ALG8: variants seen among roughly 807,000 people sequenced by gnomAD.
The protein encoded by ALG8 is dolichyl pyrophosphate Glc1Man9GlcNAc2 alpha-1,3-glucosyltransferase.
ALG8 carries 48 observed loss-of-function variants against 70.2 expected under a neutral mutation model. The observed-to-expected ratio is 0.68, with a 90% CI of 0.54 to 0.87. The LOEUF is 0.87. Ranked by LOEUF, ALG8 falls within the 40% of genes least tolerant of loss-of-function variation. The pLI is 0.00. For synonymous variants in ALG8, 234 were observed against 229.0 expected (o/e 1.02, Z -0.20); for missense variants, 572 against 608.7 (o/e 0.94, Z 0.64).
chr11:78,116,695 G>C (rs1860588549), intron 5 of ALG8, among the ~76,000 whole-genome samples: 1 of 152,116 alleles, frequency 6.6e-6, no homozygotes, highest in African/African-American at 2.4e-5. Context: ...TCTCCAGCCT[G>C]GGTGACACAG....
rs188063194 is a variant in ALG8, at chr11:78,139,051, C to T, written c.95+443G>A. ...GAATAGCGCACAGCCACTTAGTAAC[C>T]CTCTATTTCCTTTATCACAATCTGA... On this transcript the variant is annotated intron_variant, in intron 1 of 12. Coordinates refer to ENST00000299626, the MANE Select transcript of ALG8 (RefSeq NM_024079.5). The T allele has an allele frequency of 7.7e-3, 2,645 of 342,098 alleles. 24 individuals carry two copies. The highest frequency in any genetic ancestry group is 0.011 in the Middle Eastern group (11 of 962). The allele number at this position is 342,098 out of a possible 1,614,324, so 21.2% of individuals were successfully genotyped here.
At chr11:78,123,231 G>A (rs189386139) in intron 3 of ALG8, among the ~76,000 whole-genome samples, 5 of 146,216 alleles carry the variant, frequency 3.4e-5, no homozygotes, top group South Asian at 4.3e-4. Context: ...GCTTGAACCC[G>A]AGAGGCAGTT....
intron 3 of ALG8, among the ~76,000 whole-genome samples, chr11:78,122,309 T>C (rs1015669144): frequency 6.6e-6 from 1 of 151,964 alleles, no homozygotes; most frequent in African/African-American, 2.4e-5. Context: ...CTGTATATCA[T>C]GCTTGGTTCT....
intron 5 of ALG8, among the ~76,000 whole-genome samples, chr11:78,116,325 G>A (rs113771379): frequency 0.031 from 4,743 of 152,078 alleles, 256 homozygotes; most frequent in African/African-American, 0.11. Flanking sequence ...AGCTGAGATC[G>A]CGCCACTGCA....
chr11:78,138,566 G>A (rs1861650887), intron 1 of ALG8: 3 of 373,494 alleles, frequency 8.0e-6, no homozygotes, highest in South Asian at 6.1e-5. Context: ...AGATCACCAA[G>A]AGCCTGAATC....
rs746712586 is a variant in ALG8 at position 78,106,493 on chromosome 11, G to C, written c.1178+314C>G. 2.6e-5 allele frequency among the ~76,000 whole-genome samples: 4 copies of C among 152,280 alleles called. 1 individual carries two copies. Among genetic ancestry groups the C allele is most frequent in the South Asian group, 4.1e-4 (2 of 4,826 alleles). On this transcript the variant is annotated intron_variant, in intron 10 of 12. Transcript: ENST00000299626. ...ATTACAGGCGTGAGCTACCGCGCCC[G>C]GCCAGCCCAGGTTTTTTCTATAACA...
chr11:78,107,540 T>C (rs959434476), intron 9 of ALG8, among the ~76,000 whole-genome samples: 8 of 149,064 alleles, frequency 5.4e-5, no homozygotes, highest in African/African-American at 1.5e-4. Context: ...ATTTAACTCA[T>C]TAAAATTAAT....
Position 78,119,216 on chromosome 11 carries a change from C to A in ALG8, c.512G>T (p.Gly171Val). 6.2e-7 allele frequency: 1 copy of A among 1,611,950 alleles called. No homozygotes were observed. Among genetic ancestry groups the A allele is most frequent in the Non-Finnish European group, 8.5e-7 (1 of 1,178,378 alleles). The change falls in exon 5 of 13, where the codon GGA becomes GTA. Residue 171 changes from glycine to valine, a missense_variant. Coordinates refer to ENST00000299626, the MANE Select transcript of ALG8 (RefSeq NM_024079.5). ...IHFQYNGFLF[G>V]LMLLSIARLF... ...TCGTGCAATGGAGAGTAGCATTAAT[C>A]CAAATAAAAAGCCATTGTACTGAAA...
chr11:78,104,658 G>A lies in ALG8; in HGVS notation c.1179-205C>T, dbSNP rs1302162093. On this transcript the variant is annotated intron_variant, in intron 10 of 12. Transcript: ENST00000299626. Reference sequence around the variant, plus strand: ...TAGCATGTATCAAACTGAATCAGGGGTATCGTAAAAGAATCTTGCTTCTGG... The same window carrying A: ...TAGCATGTATCAAACTGAATCAGGGATATCGTAAAAGAATCTTGCTTCTGG... 5.9e-6 allele frequency: 3 copies of A among 508,882 alleles called. No individual in the cohort carries two copies. The East Asian group carries it at 1.1e-4, about 18-fold the overall frequency. The allele number at this position is 508,882 out of a possible 1,614,324, so 31.5% of individuals were successfully genotyped here. A position where few individuals can be genotyped will look rare whatever the true frequency, so the allele number is the denominator to read the frequency against.
At chr11:78,114,118 G>C in intron 6 of ALG8, 129 bp from the exon 7 acceptor site, 1 of 1,380,998 alleles carries the variant, frequency 7.2e-7, no homozygotes, top group Non-Finnish European at 1.0e-6. Context: ...GGCAAGAGCA[G>C]AGAAAAGCGA....
At chr11:78,118,459 T>C (rs1252163266) in intron 5 of ALG8, among the ~76,000 whole-genome samples, 1 of 148,492 alleles carries the variant, frequency 6.7e-6, no homozygotes, top group Non-Finnish European at 1.5e-5. Context: ...CTAATAAAAA[T>C]ACAAAAATTA....
chr11:78,114,934 A>C (rs649228), intron 5 of ALG8: 36,583 of 175,720 alleles, frequency 0.21, 4,758 homozygotes, highest in African/African-American at 0.38. Flanking sequence ...CATGATGACG[A>C]CACTGCACTC....
chr11:78,110,755 T>C (rs1860249877), intron 8 of ALG8, among the ~76,000 whole-genome samples: 1 of 152,198 alleles, frequency 6.6e-6, no homozygotes, highest in Non-Finnish European at 1.5e-5. Context: ...TGAAAATGAA[T>C]ACAATGTGGG....
In ALG8 at chr11:78,113,999, A is replaced by G; in HGVS notation, c.674-10T>C. 2 of 1,591,678 alleles carry G rather than the reference A, an allele frequency of 1.3e-6. No homozygotes were observed. The highest frequency in any genetic ancestry group is 1.7e-6 in the Non-Finnish European group (2 of 1,167,060). ...CATCGAATAGACCCATCTACAGAAA[A>G]GGAACATTATCAGTAACCAGGAAGA... On this transcript the variant is annotated splice_polypyrimidine_tract_variant and intron_variant, in intron 6 of 12. Transcript: ENST00000299626.
chr11:78,130,695 G>A (rs547075000), intron 1 of ALG8, among the ~76,000 whole-genome samples: 73 of 152,030 alleles, frequency 4.8e-4, no homozygotes, highest in African/African-American at 1.7e-3. Context: ...TTTATCCATA[G>A]CAGTCTGAAA....
chr11:78,117,611 C>CAAAAAA (rs55823839), intron 5 of ALG8, among the ~76,000 whole-genome samples: 1 of 128,564 alleles, frequency 7.8e-6, no homozygotes, highest in African/African-American at 2.9e-5. Context: ...CCTTCTCTAC[C>CAAAAAA]AAAAAAAAAA....
At chr11:78,109,339 T>G (rs1565347179) in intron 9 of ALG8, 103 bp downstream of exon 9, 1 of 1,496,902 alleles carries the variant, frequency 6.7e-7, no homozygotes, top group Non-Finnish European at 9.3e-7. Flanking sequence ...AGGCATGAAA[T>G]TTATCCTACA....
At chr11:78,125,482 TGG>T (rs1173831079) in intron 2 of ALG8, among the ~76,000 whole-genome samples, 1 of 150,896 alleles carries the variant, frequency 6.6e-6, no homozygotes, top group Non-Finnish European at 1.5e-5. Context: ...AAAAACTCCC[TGG>T]GCCGGGCATA....
intron 1 of ALG8, among the ~76,000 whole-genome samples, chr11:78,129,398 C>G (rs971125537): frequency 7.2e-6 from 1 of 138,434 alleles, no homozygotes. Flanking sequence ...CCAGCCTGGG[C>G]GACAGAGCAA....
Sources: allele counts gnomAD v4.1 joint callset (sites outside exome capture counted in the v4.1 genomes callset), GRCh38; gene constraint gnomAD v4.1.1; transcripts MANE v1.5; gene names NCBI Gene and HGNC (gene_info 2026-07-23, HGNC 2026-07-21).